VTCN1: variants seen among roughly 807,000 people sequenced by gnomAD.
The protein encoded by VTCN1 is V-set domain containing T cell activation inhibitor 1, also known as V-set domain-containing T-cell activation inhibitor 1.
A neutral mutation model predicts 26.5 loss-of-function variants in VTCN1; 26 were observed. That is an observed-to-expected ratio of 0.98 (90% confidence interval 0.72 to 1.36). The LOEUF (loss-of-function observed/expected upper bound fraction) is 1.36, where lower values mean the gene tolerates loss of function less well. Ranked by LOEUF, VTCN1 falls within the 40% of genes most tolerant of loss-of-function variation. VTCN1 has a pLI of 0.00. For missense variants in VTCN1, 298 were observed against 337.7 expected (o/e 0.88, Z 0.92); for synonymous variants, 116 against 130.7 (o/e 0.89, Z 0.77).
chr1:117,201,360 T>C lies in VTCN1; in HGVS notation c.32+9464A>G, dbSNP rs142643021. 7.0e-3 allele frequency among the ~76,000 whole-genome samples: 1,066 copies of C among 152,236 alleles called. 12 individuals are homozygous for C. Among genetic ancestry groups the C allele is most frequent in the African/African-American group, 0.023 (966 of 41,554 alleles). On this transcript the variant is annotated intron_variant, in intron 1 of 5. Coordinates refer to ENST00000369458, the MANE Select transcript of VTCN1 (RefSeq NM_024626.4). ...CCTGGCCTGCGGGAGGGAGTCCCAG[T>C]GCAGCAGAATCACAGAGCTGCCGAC...
chr1:117,184,548 A>C (rs1174968636), intron 1 of VTCN1, among the ~76,000 whole-genome samples: 1 of 152,154 alleles, frequency 6.6e-6, no homozygotes. Context: ...TTTGAATTCT[A>C]TGCTGGCTGG....
rs1229707268 is a variant in VTCN1 at position 117,210,811 on chromosome 1, G to A, written c.32+13C>T. 6.2e-7 allele frequency: 1 copy of A among 1,613,932 alleles called. No individual in the cohort carries two copies. Among genetic ancestry groups the A allele is most frequent in the Non-Finnish European group, 8.5e-7 (1 of 1,179,802 alleles). Reference sequence around the variant, plus strand: ...CCTTCACCCATAAGGATAGAGAGAAGAGTATATACTACCTCCAGAAGAGGA... The same window carrying A: ...CCTTCACCCATAAGGATAGAGAGAAAAGTATATACTACCTCCAGAAGAGGA... On this transcript the variant is annotated intron_variant, in intron 1 of 5. Coordinates refer to ENST00000369458, the MANE Select transcript of VTCN1 (RefSeq NM_024626.4).
intron 2 of VTCN1, among the ~76,000 whole-genome samples, chr1:117,164,553 T>C (rs976804134): frequency 1.3e-5 from 2 of 152,178 alleles, no homozygotes; most frequent in South Asian, 4.1e-4. Flanking sequence ...ATGGCATCAA[T>C]ATAAATAACA....
chr1:117,157,614 T>A (rs1652157892), intron 2 of VTCN1, among the ~76,000 whole-genome samples: 1 of 152,122 alleles, frequency 6.6e-6, no homozygotes, highest in African/African-American at 2.4e-5. Context: ...TATGAGAGTA[T>A]AATTCAAGAT....
chr1:117,181,592 C>T lies in VTCN1; in HGVS notation c.33-11421G>A, dbSNP rs369209944. On this transcript the variant is annotated intron_variant, in intron 1 of 5. Coordinates refer to ENST00000369458, the MANE Select transcript of VTCN1 (RefSeq NM_024626.4). ...CCTGCCTCAGGCTCCTTCCTGAGGG[C>T]CAGCCCAGAACGTGCCCTCCCTTCT... Among the ~76,000 whole-genome samples the T allele has an allele frequency of 3.9e-5, 6 of 152,300 alleles. No homozygotes were observed. The East Asian group carries it at 9.7e-4, about 25-fold the overall frequency.
intron 1 of VTCN1, chr1:117,170,379 A>G (rs1387826406): frequency 3.0e-6 from 2 of 662,812 alleles, no homozygotes; most frequent in East Asian, 3.0e-5. Flanking sequence ...TCTGGGATCA[A>G]TGAAAAGAGT....
chr1:117,191,781 CAATAAATA>C (rs1226898241), intron 1 of VTCN1, among the ~76,000 whole-genome samples: 1 of 151,910 alleles, frequency 6.6e-6, no homozygotes, highest in Non-Finnish European at 1.5e-5. Flanking sequence ...AACTCCATCT[CAATAAATA>C]AATAAATAAA....
Position 117,145,981 on chromosome 1 carries a change from A to C in VTCN1, c.*46-756T>G, listed in dbSNP as rs531442988. Among the ~76,000 whole-genome samples the C allele has an allele frequency of 2.4e-4, 36 of 152,164 alleles. No homozygotes were observed. The highest frequency in any genetic ancestry group is 5.1e-4 in the Non-Finnish European group (35 of 68,036). ...CTACTTGATTTATGGTTATTCCTCT[A>C]TGGTGCCAGGGAGAAAGAGGTGGAC... is the stretch of plus-strand genomic sequence containing the variant. On this transcript the variant is annotated intron_variant, in intron 5 of 5. Coordinates refer to ENST00000369458, the MANE Select transcript of VTCN1 (RefSeq NM_024626.4). This position sits in a 1 kb window ranked among gnomAD's most constrained non-coding sequence, Gnocchi z 4.6.
chr1:117,176,760 T>A (rs951440948), intron 1 of VTCN1, among the ~76,000 whole-genome samples: 11 of 152,232 alleles, frequency 7.2e-5, no homozygotes, highest in Admixed American at 1.3e-4. Context: ...TGACTAGGTT[T>A]ATAAAGAATG....
chr1:117,173,186 C>A (rs1294624451), intron 1 of VTCN1: 5 of 716,636 alleles, frequency 7.0e-6, no homozygotes, highest in Non-Finnish European at 1.3e-5. Context: ...GTAACACTCA[C>A]CGCGAGGTCA....
chr1:117,202,351 G>A (rs939919046), intron 1 of VTCN1, among the ~76,000 whole-genome samples: 2 of 152,182 alleles, frequency 1.3e-5, no homozygotes, highest in African/African-American at 4.8e-5. Context: ...AGACCAGCTT[G>A]ATGTCAGGAG....
chr1:117,158,595 A>T (rs1652210361), intron 2 of VTCN1, among the ~76,000 whole-genome samples: 1 of 152,186 alleles, frequency 6.6e-6, no homozygotes, highest in East Asian at 1.9e-4. Flanking sequence ...GCAGCCATGA[A>T]GACCTCTGAC....
intron 2 of VTCN1, among the ~76,000 whole-genome samples, chr1:117,163,313 C>A (rs1199610049): frequency 6.6e-6 from 1 of 152,162 alleles, no homozygotes; most frequent in East Asian, 1.9e-4. Context: ...GTTTTCTAAC[C>A]CTTTATTTCA....
At chr1:117,157,390 A>G (rs1045235493) in intron 2 of VTCN1, among the ~76,000 whole-genome samples, 16 of 152,142 alleles carry the variant, frequency 1.1e-4, no homozygotes, top group Admixed American at 9.8e-4. Flanking sequence ...ACAGTTCCAC[A>G]TGGCTGGGGA....
chr1:117,170,635 A>C (rs1428980386), intron 1 of VTCN1, among the ~76,000 whole-genome samples: 1 of 152,160 alleles, frequency 6.6e-6, no homozygotes, highest in Non-Finnish European at 1.5e-5. Context: ...CATCTTCTTC[A>C]CTTTGTACCC....
chr1:117,172,641 C>T (rs535565090), intron 1 of VTCN1, among the ~76,000 whole-genome samples: 1 of 145,382 alleles, frequency 6.9e-6, no homozygotes, highest in East Asian at 2.0e-4. Flanking sequence ...CTGCATGTGT[C>T]CCCCCCCACA....
chr1:117,203,495 G>A (rs1236544473), intron 1 of VTCN1: 5 of 563,648 alleles, frequency 8.9e-6, no homozygotes, highest in South Asian at 7.6e-5. Context: ...TCCCATGACC[G>A]CTGTGCTGGC....
chr1:117,158,483 G>C (rs758371147), intron 2 of VTCN1, among the ~76,000 whole-genome samples: 1 of 152,174 alleles, frequency 6.6e-6, no homozygotes, highest in Non-Finnish European at 1.5e-5. Context: ...GGAGCAGCTG[G>C]GATACAGGAA....
At chr1:117,205,826 T>C (rs1414893591) in intron 1 of VTCN1, among the ~76,000 whole-genome samples, 1 of 152,184 alleles carries the variant, frequency 6.6e-6, no homozygotes, top group African/African-American at 2.4e-5. Flanking sequence ...ATGGAGATGA[T>C]TAGGACTATG....
Sources: gnomAD v4.1 joint callset for allele counts (sites outside exome capture counted in the v4.1 genomes callset) on GRCh38, gnomAD v4.1.1 for gene constraint, Gnocchi (gnomAD v3.1) non-coding constraint, MANE v1.5 for transcripts, NCBI Gene and HGNC (gene_info 2026-07-23, HGNC 2026-07-21) for gene names.